Variants in MMS22L observed in about 807,000 individuals in gnomAD.
MMS22L encodes protein MMS22-like.
In MMS22L, 74 loss-of-function variants were observed where a neutral mutation model predicts 159.1. That is an observed-to-expected ratio of 0.47 (90% CI 0.39 to 0.56). MMS22L has a LOEUF of 0.56. Among genes scored for constraint, MMS22L ranks in the 20% least tolerant of loss-of-function variants. The pLI is 0.00. For missense variants in MMS22L, 1,351 were observed against 1,422.1 expected (o/e 0.95, Z 0.80); for synonymous variants, 517 against 506.9 (o/e 1.02, Z -0.27).
intron 24 of MMS22L, among the ~76,000 whole-genome samples, chr6:97,149,510 T>C (rs1801111703): frequency 6.6e-6 from 1 of 152,162 alleles, no homozygotes; most frequent in Non-Finnish European, 1.5e-5. Context: ...ATAAATTTTA[T>C]TAAAAAACAA....
At position 97,283,131 on chromosome 6, in the gene MMS22L, G is replaced by C. The variant is rs1340852716; in HGVS notation, c.-112C>G. On this transcript the variant is annotated 5_prime_UTR_variant, in exon 1 of 25. Coordinates refer to ENST00000683635, the MANE Select transcript of MMS22L (RefSeq NM_001350599.2). ...TTCCAGCTCCCGAAACCTGCCTCCT[G>C]TGACCCAGACCACCAACAGGAATCT... 6.6e-6 allele frequency: 1 copy of C among 152,242 alleles called. No individual in the cohort carries two copies. The highest frequency in any genetic ancestry group is 2.4e-5 in the African/African-American group (1 of 41,458). 9.4% of individuals were successfully genotyped at this position (152,242 alleles called of 1,614,324 possible). A position where few individuals can be genotyped will look rare whatever the true frequency, so the allele number is the denominator to read the frequency against.
intron 21 of MMS22L, among the ~76,000 whole-genome samples, chr6:97,164,591 CTTAA>C (rs772936550): frequency 2.0e-5 from 3 of 151,866 alleles, no homozygotes; most frequent in Non-Finnish European, 2.9e-5. Context: ...CATTTTTTCA[CTTAA>C]TTATCTTTAT....
At chr6:97,190,195 A>C (rs968388900) in intron 14 of MMS22L, among the ~76,000 whole-genome samples, 18 of 152,236 alleles carry the variant, frequency 1.2e-4, no homozygotes, top group African/African-American at 4.3e-4. Context: ...AGAAAACACA[A>C]AACATACATA....
chr6:97,240,211 C>T (rs1021660574), intron 11 of MMS22L, among the ~76,000 whole-genome samples: 1 of 152,192 alleles, frequency 6.6e-6, no homozygotes, highest in East Asian at 1.9e-4. Context: ...TCCTATACTA[C>T]TTATAGAATA....
At chr6:97,159,295 T>C (rs908681190) in intron 22 of MMS22L, among the ~76,000 whole-genome samples, 1 of 152,012 alleles carries the variant, frequency 6.6e-6, no homozygotes, top group Non-Finnish European at 1.5e-5. Flanking sequence ...TTTAGCCCAT[T>C]TAATTATTAA....
chr6:97,188,495 G>A (rs943840760), intron 14 of MMS22L, among the ~76,000 whole-genome samples: 2 of 152,048 alleles, frequency 1.3e-5, no homozygotes, highest in African/African-American at 2.4e-5. Flanking sequence ...TATAGATGAC[G>A]AAGCTAACAG....
intron 9 of MMS22L, among the ~76,000 whole-genome samples, chr6:97,255,959 A>C (rs983917857): frequency 2.0e-5 from 3 of 152,048 alleles, no homozygotes; most frequent in Non-Finnish European, 4.4e-5. Flanking sequence ...CTTTTCTATC[A>C]ATTTTGAACC....
intron 18 of MMS22L, 66 bp downstream of exon 18, chr6:97,178,377 A>G (rs2128266825): frequency 8.4e-7 from 1 of 1,191,382 alleles, no homozygotes; most frequent in African/African-American, 1.6e-5. Context: ...CTTTAAGAAT[A>G]CTTCAGGTTT....
chr6:97,180,219 A>T (rs1315772772), intron 16 of MMS22L, among the ~76,000 whole-genome samples: 1 of 151,718 alleles, frequency 6.6e-6, no homozygotes, highest in African/African-American at 2.4e-5. Flanking sequence ...CTCCTGCCTC[A>T]GCCTCCCAAG....
intron 11 of MMS22L, among the ~76,000 whole-genome samples, chr6:97,235,007 T>A (rs886621398): frequency 6.6e-6 from 1 of 152,168 alleles, no homozygotes; most frequent in African/African-American, 2.4e-5. Flanking sequence ...GGATTGTATT[T>A]TAAATATGTT....
Position 97,151,869 on chromosome 6 carries a change from T to C in MMS22L, c.3386-2A>G. 1.2e-6 allele frequency: 2 copies of C among 1,612,654 alleles called. No homozygotes were observed. Among genetic ancestry groups the C allele is most frequent in the East Asian group, 4.5e-5 (2 of 44,846 alleles). ...GGTTCTCTGTGGCCAGCCTTTTAAC[T>C]AGAAGGAAAAATTACAGCATTAGGC... On this transcript the variant is annotated splice_acceptor_variant, in intron 22 of 24. Transcript: ENST00000683635. LOFTEE classifies it high-confidence loss of function.
intron 17 of MMS22L, among the ~76,000 whole-genome samples, 158 bp downstream of exon 17, chr6:97,179,250 C>T (rs919885440): frequency 6.6e-6 from 1 of 151,950 alleles, no homozygotes; most frequent in African/African-American, 2.4e-5. Flanking sequence ...AACAAAAAAA[C>T]GGAAACAGGC....
chr6:97,258,176 T>C (rs1358062925), intron 9 of MMS22L, among the ~76,000 whole-genome samples: 1 of 152,216 alleles, frequency 6.6e-6, no homozygotes, highest in African/African-American at 2.4e-5. Flanking sequence ...ACAGTATTTG[T>C]CAACCTAAAA....
intron 14 of MMS22L, among the ~76,000 whole-genome samples, chr6:97,217,868 G>A (rs1809194057): frequency 6.6e-6 from 1 of 152,072 alleles, no homozygotes; most frequent in Non-Finnish European, 1.5e-5. Context: ...TTCTTAAATT[G>A]TTTTATTGAT....
chr6:97,201,746 A>G (rs1414991055), intron 14 of MMS22L, among the ~76,000 whole-genome samples: 2 of 152,256 alleles, frequency 1.3e-5, no homozygotes, highest in Non-Finnish European at 2.9e-5. Context: ...AAAGAGTTTA[A>G]GCAATCACCA....
At chr6:97,241,217 G>A (rs1020650589) in intron 11 of MMS22L, among the ~76,000 whole-genome samples, 1 of 152,162 alleles carries the variant, frequency 6.6e-6, no homozygotes, top group Non-Finnish European at 1.5e-5. Flanking sequence ...TGATTGATGG[G>A]TATTGGGCTG....
At chr6:97,270,752 G>C (rs1815649661) in intron 6 of MMS22L, 1 of 152,164 alleles carries the variant, frequency 6.6e-6, no homozygotes, top group African/African-American at 2.4e-5. Flanking sequence ...AGCAAGAACA[G>C]ACAAGACAGA....
chr6:97,238,572 C>CATGTGTGTGTGTGTGT (rs1052667059), intron 11 of MMS22L, among the ~76,000 whole-genome samples: 190 of 91,538 alleles, frequency 2.1e-3, no homozygotes, highest in African/African-American at 5.9e-3. Context: ...TGTCTCATCT[C>CATGTGTGTGTGTGTGT]GTGTGTGTGT....
chr6:97,200,324 T>C (rs776068986), intron 14 of MMS22L, among the ~76,000 whole-genome samples: 7 of 152,084 alleles, frequency 4.6e-5, no homozygotes, highest in Non-Finnish European at 1.0e-4. Flanking sequence ...ACTTTTACTG[T>C]AGTTCTTTAA....
Sources: allele counts gnomAD v4.1 joint callset (sites outside exome capture counted in the v4.1 genomes callset), GRCh38; gene constraint gnomAD v4.1.1; transcripts MANE v1.5; gene names NCBI Gene and HGNC (gene_info 2026-07-23, HGNC 2026-07-21).